SRGAP1: variants seen among roughly 807,000 people sequenced by gnomAD.
SRGAP1 encodes SLIT-ROBO Rho GTPase activating protein 1.
Under a neutral mutation model 121.9 loss-of-function variants are expected in SRGAP1, and 43 were observed. The observed-to-expected ratio is 0.35, with a 90% CI of 0.28 to 0.46. The LOEUF (loss-of-function observed/expected upper bound fraction) is 0.46. SRGAP1 is among the 20% of genes least tolerant of loss of function. The pLI, the probability that SRGAP1 is intolerant of heterozygous loss-of-function variation, is 1.00. For missense variants in SRGAP1, 1,102 were observed against 1,350.9 expected (o/e 0.82, Z 2.89); for synonymous variants, 447 against 485.4 (o/e 0.92, Z 1.04).
chr12:63,845,161 T>C (rs1203132193), intron 1 of SRGAP1, among the ~76,000 whole-genome samples: 1 of 152,212 alleles, frequency 6.6e-6, no homozygotes, highest in Non-Finnish European at 1.5e-5. Context: ...TTAACCACCT[T>C]CAGCTGGGCA....
intron 8 of SRGAP1, among the ~76,000 whole-genome samples, chr12:64,077,560 A>G (rs965488957): frequency 6.6e-6 from 1 of 151,348 alleles, no homozygotes; most frequent in African/African-American, 2.4e-5. Flanking sequence ...AACTCTTTAC[A>G]TTGTGTGACA....
At chr12:64,098,921 T>G (rs957118654) in intron 15 of SRGAP1, among the ~76,000 whole-genome samples, 1 of 152,218 alleles carries the variant, frequency 6.6e-6, no homozygotes, top group South Asian at 2.1e-4. Flanking sequence ...TTTGCCAAAT[T>G]GGCATTCCTC....
intron 1 of SRGAP1, among the ~76,000 whole-genome samples, chr12:63,967,241 G>A (rs991995783): frequency 2.0e-5 from 3 of 152,100 alleles, no homozygotes; most frequent in Non-Finnish European, 2.9e-5. Flanking sequence ...AGGAGTTCAA[G>A]ACCCACCTTG....
intron 6 of SRGAP1, among the ~76,000 whole-genome samples, chr12:64,046,857 A>G (rs2136512133): frequency 6.6e-6 from 1 of 152,268 alleles, no homozygotes; most frequent in Admixed American, 6.5e-5. Flanking sequence ...CAGGCAGCAT[A>G]ATCTCATTGA....
rs185011245 is a variant in SRGAP1, at chr12:64,154,622, G to A, written c.*11950G>A. 3.2e-4 allele frequency: 48 copies of A among 152,350 alleles called. No homozygotes were observed. The highest frequency in any genetic ancestry group is 1.1e-3 in the African/African-American group (44 of 41,576). 9.4% of individuals were successfully genotyped at this position (152,350 alleles called of 1,614,324 possible). A position where few individuals can be genotyped will look rare whatever the true frequency, so the allele number is the denominator to read the frequency against. On this transcript the variant is annotated 3_prime_UTR_variant, in exon 22 of 22. Coordinates refer to ENST00000355086, the MANE Select transcript of SRGAP1 (RefSeq NM_020762.4). Reference sequence around the variant, plus strand: ...TAAAAAGAATGACTGGGGAAAGGAAGAAGTTGGCCAGGATGTACAACCAAG... The same window carrying A: ...TAAAAAGAATGACTGGGGAAAGGAAAAAGTTGGCCAGGATGTACAACCAAG...
chr12:63,851,230 T>C (rs901869067), intron 1 of SRGAP1, among the ~76,000 whole-genome samples: 2 of 152,182 alleles, frequency 1.3e-5, no homozygotes, highest in African/African-American at 4.8e-5. Flanking sequence ...TTCTAATTTA[T>C]TGACAGCATT....
At chr12:63,858,973 G>A (rs1442774681) in intron 1 of SRGAP1, among the ~76,000 whole-genome samples, 1 of 152,186 alleles carries the variant, frequency 6.6e-6, no homozygotes, top group Non-Finnish European at 1.5e-5. Flanking sequence ...AAAGTGCTGG[G>A]ATTACAGGCG....
intron 21 of SRGAP1, among the ~76,000 whole-genome samples, chr12:64,134,516 T>C (rs1214799299): frequency 6.6e-6 from 1 of 151,950 alleles, no homozygotes; most frequent in Non-Finnish European, 1.5e-5. Flanking sequence ...AAGTCTAAAG[T>C]GACTAATCCA....
chr12:64,001,124 T>G (rs996201063), intron 3 of SRGAP1, among the ~76,000 whole-genome samples: 1 of 152,114 alleles, frequency 6.6e-6, no homozygotes, highest in African/African-American at 2.4e-5. Context: ...TACCCAGCAT[T>G]CCATAAAATC....
At chr12:63,854,016 C>A (rs549235747) in intron 1 of SRGAP1, among the ~76,000 whole-genome samples, 1 of 152,268 alleles carries the variant, frequency 6.6e-6, no homozygotes, top group South Asian at 2.1e-4. Flanking sequence ...TGCTTCTTTG[C>A]TTGCTTGCTT....
At chr12:63,872,620 G>A (rs1899892145) in intron 1 of SRGAP1, among the ~76,000 whole-genome samples, 1 of 152,120 alleles carries the variant, frequency 6.6e-6, no homozygotes, top group African/African-American at 2.4e-5. Context: ...CAGTCATGCT[G>A]GAATTAAGTA....
chr12:64,127,455 A>G (rs544948604), intron 19 of SRGAP1, 135 bp from the exon 20 acceptor site: 4 of 820,242 alleles, frequency 4.9e-6, no homozygotes, highest in Middle Eastern at 7.8e-4. Context: ...TATTTTAATA[A>G]AAGAAGGGCT....
chr12:63,936,129 G>A (rs1005107651), intron 1 of SRGAP1, among the ~76,000 whole-genome samples: 12 of 151,932 alleles, frequency 7.9e-5, no homozygotes, highest in African/African-American at 2.9e-4. Context: ...TTTAAAAAGA[G>A]ACTGCCCAAC....
rs982670583 is a variant in SRGAP1, at chr12:63,874,764, G to C, written c.67+29881G>C. 5.3e-5 allele frequency among the ~76,000 whole-genome samples: 8 copies of C among 152,012 alleles called. No homozygotes were observed. The East Asian group carries it at 1.3e-3, about 26-fold the overall frequency. ...CTAGAAGAATGCCTGGCCTTATAGT[G>C]AACTCTCAAATATGAGCTTTTACTG... On this transcript the variant is annotated intron_variant, in intron 1 of 21. Transcript: ENST00000355086.
chr12:63,937,858 T>C (rs1745869244), intron 1 of SRGAP1, among the ~76,000 whole-genome samples: 1 of 152,256 alleles, frequency 6.6e-6, no homozygotes, highest in African/African-American at 2.4e-5. Context: ...TCTTTGTTTT[T>C]TCCTGGTATT....
At chr12:63,880,457 C>G (rs757454387) in intron 1 of SRGAP1, among the ~76,000 whole-genome samples, 25 of 152,264 alleles carry the variant, frequency 1.6e-4, no homozygotes, top group Admixed American at 1.2e-3. Flanking sequence ...TCTCAAACTC[C>G]TGACCTCAAG....
At chr12:63,882,830 A>G (rs1900241292) in intron 1 of SRGAP1, among the ~76,000 whole-genome samples, 1 of 152,242 alleles carries the variant, frequency 6.6e-6, no homozygotes, top group African/African-American at 2.4e-5. Context: ...GTACCCAACC[A>G]AGAACAATTC....
intron 1 of SRGAP1, among the ~76,000 whole-genome samples, chr12:63,867,312 A>G (rs927010467): frequency 6.6e-6 from 1 of 152,242 alleles, no homozygotes; most frequent in Non-Finnish European, 1.5e-5. Context: ...ACCATGCCAT[A>G]TAAACATATA....
intron 8 of SRGAP1, among the ~76,000 whole-genome samples, chr12:64,074,529 T>C (rs907523067): frequency 7.9e-5 from 12 of 152,126 alleles, no homozygotes; most frequent in African/African-American, 2.9e-4. Flanking sequence ...AAGGCCAGGG[T>C]CTCTCTTTTC....
Sources: gnomAD v4.1 joint callset for allele counts (sites outside exome capture counted in the v4.1 genomes callset) on GRCh38, gnomAD v4.1.1 for gene constraint, MANE v1.5 for transcripts, NCBI Gene and HGNC (gene_info 2026-07-23, HGNC 2026-07-21) for gene names.